Variants in TAOK1 observed in about 807,000 individuals in gnomAD.
TAOK1 encodes the protein serine/threonine-protein kinase TAO1.
Under a neutral mutation model 138.3 loss-of-function variants are expected in TAOK1, and 21 were observed. The observed-to-expected ratio is 0.15, with a 90% CI of 0.11 to 0.22. The LOEUF is 0.22. Ranked by LOEUF, TAOK1 falls within the 10% of genes least tolerant of loss-of-function variation. The pLI, the probability that TAOK1 is intolerant of heterozygous loss-of-function variation, is 1.00. For synonymous variants in TAOK1, 361 were observed against 398.4 expected (o/e 0.91, Z 1.12); for missense variants, 651 against 1,227.7 (o/e 0.53, Z 7.02).
rs867932182 is a variant in TAOK1, at chr17:29,531,314, T to C, written c.2361+695T>C. On this transcript the variant is annotated intron_variant, in intron 18 of 19. Transcript: ENST00000261716. ...TATTTTTTTAGATGGAATTTTGCCC[T>C]GTCGCCCAGGCTGCATTGCAGTAGT... Among the ~76,000 whole-genome samples the C allele has an allele frequency of 4.6e-5, 7 of 151,988 alleles. 1 individual carries two copies. In the Middle Eastern group the frequency reaches 0.01, roughly 222 times the overall value.
chr17:29,401,662 CT>C (rs11347757), intron 1 of TAOK1, among the ~76,000 whole-genome samples: 92,468 of 149,420 alleles, frequency 0.62, 29,516 homozygotes, highest in East Asian at 0.97. Context: ...TTTTTCTTCT[CT>C]TTTTTTTTTT....
At chr17:29,520,845 G>GA (rs564530378) in intron 16 of TAOK1, among the ~76,000 whole-genome samples, 1,627 of 151,910 alleles carry the variant, frequency 0.011, 35 homozygotes, top group African/African-American at 0.037. Flanking sequence ...CCAACATGGT[G>GA]AAAACCCATC....
At chr17:29,462,451 C>G (rs1567724776) in intron 2 of TAOK1, among the ~76,000 whole-genome samples, 1 of 152,142 alleles carries the variant, frequency 6.6e-6, no homozygotes, top group Non-Finnish European at 1.5e-5. Context: ...GCTTGGGAAC[C>G]AGGCAGCTTG....
intron 1 of TAOK1, among the ~76,000 whole-genome samples, chr17:29,395,480 G>C (rs1272137974): frequency 6.6e-6 from 1 of 152,174 alleles, no homozygotes; most frequent in Non-Finnish European, 1.5e-5. Flanking sequence ...ACAGTGAGTT[G>C]AGATGGCGCC....
Position 29,543,118 on chromosome 17 carries a change from G to A in TAOK1, c.*96G>A. The A allele has an allele frequency of 9.4e-7, 1 of 1,064,904 alleles. No homozygotes were observed. Among genetic ancestry groups the A allele is most frequent in the Non-Finnish European group, 1.3e-6 (1 of 755,564 alleles). The allele number at this position is 1,064,904 out of a possible 1,614,324, so 66.0% of individuals were successfully genotyped here. On this transcript the variant is annotated 3_prime_UTR_variant, in exon 20 of 20. Coordinates refer to ENST00000261716, the MANE Select transcript of TAOK1 (RefSeq NM_020791.4). ...GCAGCCTCCTCACTTGGGTACTACA[G>A]TGTGGAAGCTGAGTGCATATGGTAT...
At chr17:29,440,110 T>C (rs1294373374) in intron 1 of TAOK1, among the ~76,000 whole-genome samples, 1 of 152,174 alleles carries the variant, frequency 6.6e-6, no homozygotes, top group East Asian at 1.9e-4. Flanking sequence ...AAATTCCTGC[T>C]TCACCCTGTC....
intron 1 of TAOK1, among the ~76,000 whole-genome samples, chr17:29,438,183 T>G (rs995552004): frequency 6.6e-6 from 1 of 152,256 alleles, no homozygotes; most frequent in East Asian, 1.9e-4. Flanking sequence ...TTGTATTTTT[T>G]AAATTTATTT....
chr17:29,439,532 T>A (rs550925417), intron 1 of TAOK1, among the ~76,000 whole-genome samples: 1 of 152,246 alleles, frequency 6.6e-6, no homozygotes, highest in Admixed American at 6.5e-5. Flanking sequence ...GGAATTTTTT[T>A]ACCCAATCTG....
At chr17:29,420,235 T>C (rs565234059) in intron 1 of TAOK1, among the ~76,000 whole-genome samples, 1 of 151,998 alleles carries the variant, frequency 6.6e-6, no homozygotes, top group East Asian at 1.9e-4. Context: ...TTAGAGATGG[T>C]TTCTGCATGT....
intron 15 of TAOK1, among the ~76,000 whole-genome samples, chr17:29,517,241 G>C (rs1214957679): frequency 6.6e-6 from 1 of 152,028 alleles, no homozygotes; most frequent in Non-Finnish European, 1.5e-5. Flanking sequence ...GCCCGCCTCA[G>C]CCTCCAAAAG....
chr17:29,532,883 G>A (rs1308572456), intron 18 of TAOK1, among the ~76,000 whole-genome samples: 1 of 151,614 alleles, frequency 6.6e-6, no homozygotes, highest in African/African-American at 2.4e-5. Flanking sequence ...ACGGGGTGGT[G>A]GCCGGGCAGA....
intron 6 of TAOK1, among the ~76,000 whole-genome samples, chr17:29,479,667 A>T (rs946021664): frequency 8.5e-5 from 13 of 152,178 alleles, no homozygotes; most frequent in African/African-American, 3.1e-4. Flanking sequence ...AGAATTAACA[A>T]GGGCTTGGAA....
intron 1 of TAOK1, among the ~76,000 whole-genome samples, chr17:29,422,609 T>C (rs775103328): frequency 5.3e-5 from 8 of 152,220 alleles, no homozygotes; most frequent in Admixed American, 1.3e-4. Flanking sequence ...AAATTACTTA[T>C]AATAATCCCA....
At chr17:29,464,308 G>A (rs1262829275) in intron 2 of TAOK1, among the ~76,000 whole-genome samples, 1 of 151,756 alleles carries the variant, frequency 6.6e-6, no homozygotes, top group Non-Finnish European at 1.5e-5. Flanking sequence ...GCTGGGCGTG[G>A]TGGCGGGCAC....
At chr17:29,410,618 T>TG (rs756510933) in intron 1 of TAOK1, among the ~76,000 whole-genome samples, 2 of 119,282 alleles carry the variant, frequency 1.7e-5, no homozygotes, top group Non-Finnish European at 3.3e-5. Context: ...TAGGGTTTTT[T>TG]GTTTTTTTTT....
chr17:29,457,089 C>CTTTTTTTTTTTTTTTTTTTTTTTTT (rs548221652), intron 2 of TAOK1, among the ~76,000 whole-genome samples: 3 of 107,406 alleles, frequency 2.8e-5, no homozygotes, highest in Non-Finnish European at 3.7e-5. Flanking sequence ...TTTTCTTTTT[C>CTTTTTTTTTTTTTTTTTTTTTTTTT]TTTTTTTTTT....
intron 9 of TAOK1, among the ~76,000 whole-genome samples, chr17:29,489,967 A>T (rs1204621846): frequency 6.6e-6 from 1 of 152,118 alleles, no homozygotes; most frequent in Non-Finnish European, 1.5e-5. Context: ...AAAAGGATGG[A>T]TGATGTCACA....
chr17:29,465,837 CTTTTTTTTTTTT>C (rs3058623), intron 2 of TAOK1, among the ~76,000 whole-genome samples: 18,137 of 45,908 alleles, frequency 0.4, 1,370 homozygotes, highest in Admixed American at 0.5. Flanking sequence ...AGTTTCTGTG[CTTTTTTTTTTTT>C]TTTTTTTTTT....
chr17:29,423,152 C>A (rs1905509132), intron 1 of TAOK1, among the ~76,000 whole-genome samples: 1 of 114,524 alleles, frequency 8.7e-6, no homozygotes, highest in African/African-American at 3.9e-5. Flanking sequence ...ATTTAATTTG[C>A]TCTTCCTTTT....
Sources: allele counts gnomAD v4.1 joint callset (sites outside exome capture counted in the v4.1 genomes callset), GRCh38; gene constraint gnomAD v4.1.1; transcripts MANE v1.5; gene names NCBI Gene and HGNC (gene_info 2026-07-23, HGNC 2026-07-21).